Variants in PTPRT observed in about 807,000 individuals in gnomAD.
PTPRT encodes receptor-type tyrosine-protein phosphatase T.
PTPRT carries 56 observed loss-of-function variants against 176.8 expected under a neutral mutation model. That is an observed-to-expected ratio of 0.32 (90% CI 0.26 to 0.40). The LOEUF (loss-of-function observed/expected upper bound fraction) is 0.40. PTPRT is among the 10% of genes least tolerant of loss of function. The probability of loss-of-function intolerance (pLI) is 1.00; values close to 1 mark genes in which losing one functional copy is unlikely to be tolerated. For synonymous variants in PTPRT, 783 were observed against 739.0 expected (o/e 1.06, Z -0.96); for missense variants, 1,540 against 1,908.2 (o/e 0.81, Z 3.60).
intron 9 of PTPRT, among the ~76,000 whole-genome samples, chr20:42,427,446 G>A (rs1488891641): frequency 6.6e-6 from 1 of 152,164 alleles, no homozygotes; most frequent in East Asian, 1.9e-4. Flanking sequence ...TTGAGGTTGG[G>A]AAATCCACGA....
At chr20:42,151,057 T>C (rs367879296) in intron 17 of PTPRT, among the ~76,000 whole-genome samples, 3 of 152,232 alleles carry the variant, frequency 2.0e-5, no homozygotes, top group East Asian at 3.9e-4. Context: ...CCCAGGGATA[T>C]AATATTGAGC....
chr20:42,985,105 A>T (rs1983498320), intron 1 of PTPRT, among the ~76,000 whole-genome samples: 1 of 152,128 alleles, frequency 6.6e-6, no homozygotes. Flanking sequence ...GGAAGTTGCA[A>T]TGGGGGTCAG....
intron 14 of PTPRT, 33 bp from the exon 15 acceptor site, chr20:42,236,291 T>A (rs777183858): frequency 6.6e-7 from 1 of 1,522,392 alleles, no homozygotes; most frequent in Non-Finnish European, 9.1e-7. Context: ...ATGAAGGAAA[T>A]GTCCAAAATG....
chr20:42,868,139 G>C (rs1306606126), intron 2 of PTPRT, among the ~76,000 whole-genome samples: 3 of 152,210 alleles, frequency 2.0e-5, no homozygotes, highest in Admixed American at 6.5e-5. Flanking sequence ...AGAGATTCAT[G>C]CTGCAAAGAG....
At chr20:42,059,445 C>T in the PTPRT span, among the ~76,000 whole-genome samples, 142 of 152,162 alleles carry the variant, frequency 9.3e-4, 2 homozygotes, top group African/African-American at 3.2e-3. Flanking sequence ...TGCAAGAAGG[C>T]GGCTCAACAA....
At chr20:42,802,070 C>A (rs1340487435) in intron 2 of PTPRT, among the ~76,000 whole-genome samples, 2 of 152,226 alleles carry the variant, frequency 1.3e-5, no homozygotes, top group African/African-American at 4.8e-5. Context: ...GTTCCCAAAT[C>A]GCAGTGTGCA....
At chr20:42,550,476 A>C (rs13040647) in intron 7 of PTPRT, among the ~76,000 whole-genome samples, 34,190 of 151,924 alleles carry the variant, frequency 0.23, 4,221 homozygotes, top group African/African-American at 0.32. Flanking sequence ...AGTTTCTATC[A>C]GTTGAATCCA....
At chr20:43,137,851 G>T (rs1202550142) in intron 1 of PTPRT, among the ~76,000 whole-genome samples, 1 of 152,166 alleles carries the variant, frequency 6.6e-6, no homozygotes, top group African/African-American at 2.4e-5. Flanking sequence ...AATCAGCCTG[G>T]AATATTAAAC....
chr20:43,113,025 T>C (rs2012927212), intron 1 of PTPRT, among the ~76,000 whole-genome samples: 1 of 151,468 alleles, frequency 6.6e-6, no homozygotes. Context: ...TATAAACGTA[T>C]CTCCTGGGGT....
At chr20:42,960,210 T>C (rs1441612509) in intron 1 of PTPRT, among the ~76,000 whole-genome samples, 1 of 152,224 alleles carries the variant, frequency 6.6e-6, no homozygotes, top group African/African-American at 2.4e-5. Context: ...TACAACAAAA[T>C]ACCTTAGACT....
intron 7 of PTPRT, among the ~76,000 whole-genome samples, chr20:42,657,148 G>T (rs1325809998): frequency 1.3e-5 from 2 of 152,020 alleles, no homozygotes; most frequent in Non-Finnish European, 2.9e-5. Context: ...TCTACTTCCT[G>T]CCACCATGTG....
intron 27 of PTPRT, among the ~76,000 whole-genome samples, chr20:42,088,545 AC>A (rs1246034361): frequency 1.3e-5 from 2 of 152,126 alleles, no homozygotes; most frequent in Non-Finnish European, 2.9e-5. Context: ...AGCTGTGGAA[AC>A]CCCAAGTTCT....
chr20:42,039,521 TA>T, the PTPRT span, among the ~76,000 whole-genome samples: 1 of 152,014 alleles, frequency 6.6e-6, no homozygotes, highest in African/African-American at 2.4e-5. Flanking sequence ...ACCACCATTT[TA>T]TTCCCTATTT....
At chr20:42,929,167 G>A (rs955585165) in intron 1 of PTPRT, among the ~76,000 whole-genome samples, 1 of 152,220 alleles carries the variant, frequency 6.6e-6, no homozygotes, top group African/African-American at 2.4e-5. Flanking sequence ...CTCCTAGGGA[G>A]ATATTTTGTG....
chr20:42,982,264 G>GGA (rs147184710), intron 1 of PTPRT, among the ~76,000 whole-genome samples: 18 of 152,100 alleles, frequency 1.2e-4, no homozygotes, highest in Non-Finnish European at 2.2e-4. Flanking sequence ...GCTGGGTGGT[G>GGA]GAGAGAGAGA....
At chr20:42,543,906 G>T (rs183923465) in intron 7 of PTPRT, among the ~76,000 whole-genome samples, 1 of 152,216 alleles carries the variant, frequency 6.6e-6, no homozygotes, top group African/African-American at 2.4e-5. Context: ...TTATTTCTGA[G>T]GAGTTGGTCT....
chr20:42,830,627 C>T (rs1471630409), intron 2 of PTPRT, among the ~76,000 whole-genome samples: 1 of 152,092 alleles, frequency 6.6e-6, no homozygotes, highest in Non-Finnish European at 1.5e-5. Flanking sequence ...AAATAAAGGG[C>T]ATCCAAATAG....
In PTPRT at chr20:42,620,434, G is replaced by A. The variant is rs910591333; in HGVS notation, c.1153+57432C>T. Among the ~76,000 whole-genome samples the A allele has an allele frequency of 4.3e-3, 641 of 149,732 alleles. 6 individuals are homozygous for A. Among genetic ancestry groups the A allele is most frequent in the African/African-American group, 0.015 (602 of 39,564 alleles). Reference sequence around the variant, plus strand: ...GCCCCCAGAGGTGGAGCCTACAGAGGCAGGCAGGCCTCCTAGAGCTGTGGT... The same window carrying A: ...GCCCCCAGAGGTGGAGCCTACAGAGACAGGCAGGCCTCCTAGAGCTGTGGT... On this transcript the variant is annotated intron_variant, in intron 7 of 30. Transcript: ENST00000373187.
chr20:43,033,872 C>A (rs951884489), intron 1 of PTPRT, among the ~76,000 whole-genome samples: 1 of 152,126 alleles, frequency 6.6e-6, no homozygotes, highest in Non-Finnish European at 1.5e-5. Flanking sequence ...GGAATTGAAA[C>A]CCCGGAACAT....
Sources: allele counts gnomAD v4.1 joint callset (sites outside exome capture counted in the v4.1 genomes callset), GRCh38; gene constraint gnomAD v4.1.1; transcripts MANE v1.5; gene names NCBI Gene and HGNC (gene_info 2026-07-23, HGNC 2026-07-21).